The following CA10 variants were observed in gnomAD, a reference collection of about 807,000 sequenced individuals.
CA10 encodes the protein carbonic anhydrase-related protein 10.
CA10 carries 14 observed loss-of-function variants against 44.2 expected under a neutral mutation model. The observed-to-expected ratio is 0.32, with a 90% CI of 0.21 to 0.50. The LOEUF (loss-of-function observed/expected upper bound fraction) is 0.50. Among genes scored for constraint, CA10 ranks in the 20% least tolerant of loss-of-function variants. The pLI is 0.99. For synonymous variants in CA10, 159 were observed against 141.6 expected (o/e 1.12, Z -0.87); for missense variants, 350 against 409.7 (o/e 0.85, Z 1.26).
In CA10 at chr17:51,996,846, G is replaced by C. The variant is rs191000054; in HGVS notation, c.137-65714C>G. 2.0e-5 allele frequency among the ~76,000 whole-genome samples: 3 copies of C among 152,046 alleles called. No individual in the cohort carries two copies. In the East Asian group the frequency reaches 5.8e-4, roughly 30 times the overall value. The stretch of plus-strand genomic sequence containing the variant: ...AACTTACCTTGTAAATAACAGCTGA[G>C]GACCCCACTCCAGCCAAACACAAAA... On this transcript the variant is annotated intron_variant, in intron 2 of 8. Coordinates refer to ENST00000451037, the MANE Select transcript of CA10 (RefSeq NM_020178.5).
chr17:51,730,679 AC>A (rs1456982981), intron 4 of CA10, among the ~76,000 whole-genome samples: 2 of 152,212 alleles, frequency 1.3e-5, no homozygotes, highest in Non-Finnish European at 2.9e-5. Context: ...CTGTAACTAA[AC>A]TTTTAATTAA....
chr17:51,935,589 G>T (rs995439359), intron 2 of CA10, among the ~76,000 whole-genome samples: 1 of 152,150 alleles, frequency 6.6e-6, no homozygotes, highest in Admixed American at 6.5e-5. Flanking sequence ...ACAGCGATGT[G>T]TTATCTTGCC....
At chr17:52,093,305 C>A (rs8067781) in intron 1 of CA10, among the ~76,000 whole-genome samples, 3,565 of 152,226 alleles carry the variant, frequency 0.023, 92 homozygotes, top group Middle Eastern at 0.095. Flanking sequence ...CTAAGCAAAT[C>A]TTTCACTCCA....
chr17:51,956,604 G>T (rs766163251), intron 2 of CA10, among the ~76,000 whole-genome samples: 81 of 152,244 alleles, frequency 5.3e-4, no homozygotes, highest in Non-Finnish European at 6.5e-4. Context: ...AGCACTGCTT[G>T]TATTAGCAAA....
intron 3 of CA10, among the ~76,000 whole-genome samples, chr17:51,917,843 C>G (rs1280774169): frequency 6.6e-6 from 1 of 152,174 alleles, no homozygotes; most frequent in East Asian, 1.9e-4. Context: ...AATATCCCAA[C>G]TATATTACTG....
At chr17:51,731,059 G>A (rs1481262177) in intron 4 of CA10, among the ~76,000 whole-genome samples, 1 of 152,178 alleles carries the variant, frequency 6.6e-6, no homozygotes, top group Non-Finnish European at 1.5e-5. Context: ...ACATGATGGT[G>A]CACACCTAAC....
chr17:51,758,544 G>A (rs1905135476), intron 3 of CA10, among the ~76,000 whole-genome samples: 1 of 152,142 alleles, frequency 6.6e-6, no homozygotes, highest in Admixed American at 6.5e-5. Flanking sequence ...AGTCATTGGC[G>A]CTGAAGCCCT....
intron 2 of CA10, among the ~76,000 whole-genome samples, chr17:51,991,472 T>G (rs933884628): frequency 6.6e-6 from 1 of 152,164 alleles, no homozygotes; most frequent in African/African-American, 2.4e-5. Flanking sequence ...TTTCCCTTCT[T>G]GGGCATTTAC....
At chr17:51,944,878 T>C (rs976808543) in intron 2 of CA10, among the ~76,000 whole-genome samples, 20 of 152,162 alleles carry the variant, frequency 1.3e-4, no homozygotes, top group Admixed American at 1.0e-3. Flanking sequence ...TTAAACTGAT[T>C]AATTTTCTTA....
At chr17:51,753,882 C>A (rs767160101) in intron 3 of CA10, among the ~76,000 whole-genome samples, 1 of 152,122 alleles carries the variant, frequency 6.6e-6, no homozygotes, top group Admixed American at 6.6e-5. Flanking sequence ...CTCACTCTGT[C>A]GCCCAGGCTG....
chr17:52,048,236 C>T (rs1567714878), intron 2 of CA10, among the ~76,000 whole-genome samples: 1 of 151,906 alleles, frequency 6.6e-6, no homozygotes, highest in African/African-American at 2.4e-5. Flanking sequence ...TAATAAATCA[C>T]TCCAAGATAC....
chr17:51,789,348 T>G (rs964184923), intron 3 of CA10, among the ~76,000 whole-genome samples: 2 of 152,220 alleles, frequency 1.3e-5, no homozygotes, highest in African/African-American at 4.8e-5. Flanking sequence ...GACATTTACA[T>G]CATGGTAATG....
chr17:51,947,504 C>T (rs1013811961), intron 2 of CA10, among the ~76,000 whole-genome samples: 10 of 152,186 alleles, frequency 6.6e-5, no homozygotes, highest in Non-Finnish European at 1.3e-4. Flanking sequence ...GGAAATTATT[C>T]TCCCAGCAAA....
Position 52,008,606 on chromosome 17 carries a change from C to T in CA10, c.136+63713G>A, listed in dbSNP as rs960025692. Among the ~76,000 whole-genome samples the T allele has an allele frequency of 7.2e-5, 11 of 151,830 alleles. 1 individual carries two copies. Among genetic ancestry groups the T allele is most frequent in the African/African-American group, 2.7e-4 (11 of 41,400 alleles). ...CAGAAGAAGGGCAATGTCATCTTGA[C>T]AACTTACATATTGTAAGTTATAGAT... is the stretch of plus-strand genomic sequence containing the variant. On this transcript the variant is annotated intron_variant, in intron 2 of 8. Transcript: ENST00000451037.
At chr17:51,672,264 G>T (rs1158007851) in intron 4 of CA10, among the ~76,000 whole-genome samples, 1 of 152,142 alleles carries the variant, frequency 6.6e-6, no homozygotes, top group East Asian at 1.9e-4. Flanking sequence ...ATGGCTCAAT[G>T]CCCAGTGTGT....
intron 2 of CA10, among the ~76,000 whole-genome samples, chr17:51,978,895 T>C (rs1984553723): frequency 6.6e-6 from 1 of 152,082 alleles, no homozygotes; most frequent in African/African-American, 2.4e-5. Context: ...TACCCCTTCT[T>C]TCCTTTCCAT....
At chr17:51,888,064 T>C (rs1023128886) in intron 3 of CA10, among the ~76,000 whole-genome samples, 2 of 151,622 alleles carry the variant, frequency 1.3e-5, no homozygotes, top group African/African-American at 2.4e-5. Flanking sequence ...CAAAAAAAAC[T>C]GTGTGTGATC....
chr17:51,820,195 C>CGG (rs1259715812), intron 3 of CA10, among the ~76,000 whole-genome samples: 1 of 133,956 alleles, frequency 7.5e-6, no homozygotes, highest in Admixed American at 7.4e-5. Context: ...GCCCCCCCCC[C>CGG]CCCAGGTAAT....
At chr17:51,719,902 CAAAA>C (rs1749183645) in intron 4 of CA10, among the ~76,000 whole-genome samples, 1 of 151,948 alleles carries the variant, frequency 6.6e-6, no homozygotes, top group African/African-American at 2.4e-5. Context: ...CAAAACAAAA[CAAAA>C]AACTTTTGCA....
Sources: gnomAD v4.1 joint callset for allele counts (sites outside exome capture counted in the v4.1 genomes callset) on GRCh38, gnomAD v4.1.1 for gene constraint, MANE v1.5 for transcripts, NCBI Gene and HGNC (gene_info 2026-07-23, HGNC 2026-07-21) for gene names.